The following CACNA1E variants were observed in gnomAD, a reference collection of about 807,000 sequenced individuals.
CACNA1E encodes the protein voltage-dependent R-type calcium channel subunit alpha-1E.
CACNA1E carries 40 observed loss-of-function variants against 259.2 expected under a neutral mutation model. That is an observed-to-expected ratio of 0.15 (90% CI 0.12 to 0.20). CACNA1E has a LOEUF of 0.20. Ranked by LOEUF, CACNA1E falls within the 10% of genes least tolerant of loss-of-function variation. The pLI is 1.00. For synonymous variants in CACNA1E, 1,104 were observed against 1,138.5 expected (o/e 0.97, Z 0.61); for missense variants, 1,874 against 3,040.1 (o/e 0.62, Z 9.02).
At chr1:181,516,275 G>C (rs1477791485) in intron 3 of CACNA1E, among the ~76,000 whole-genome samples, 3 of 151,488 alleles carry the variant, frequency 2.0e-5, no homozygotes, top group Non-Finnish European at 4.4e-5. Flanking sequence ...GGAGAAAGCA[G>C]GGGTATCACA....
At chr1:181,547,744 C>T (rs1205840339) in intron 3 of CACNA1E, among the ~76,000 whole-genome samples, 6 of 152,196 alleles carry the variant, frequency 3.9e-5, no homozygotes, top group Admixed American at 6.5e-5. Context: ...ATTGCATTTG[C>T]GATGCAATTA....
chr1:181,611,497 T>C (rs1247906439), intron 6 of CACNA1E, among the ~76,000 whole-genome samples: 1 of 152,128 alleles, frequency 6.6e-6, no homozygotes, highest in East Asian at 1.9e-4. Flanking sequence ...TGTGAGACAT[T>C]AGCAGGCAGA....
intron 39 of CACNA1E, among the ~76,000 whole-genome samples, chr1:181,782,498 G>T (rs1409676548): frequency 4.6e-5 from 7 of 152,240 alleles, no homozygotes; most frequent in African/African-American, 1.7e-4. Flanking sequence ...GTTTAAAGAA[G>T]TGGGAGAGAG....
chr1:181,654,621 A>G (rs1353998501), intron 7 of CACNA1E, among the ~76,000 whole-genome samples: 1 of 152,252 alleles, frequency 6.6e-6, no homozygotes, highest in Non-Finnish European at 1.5e-5. Context: ...ACCATGGCAC[A>G]GTATGTAGCA....
intron 2 of CACNA1E, among the ~76,000 whole-genome samples, chr1:181,432,388 C>T (rs576757405): frequency 6.6e-6 from 1 of 152,142 alleles, no homozygotes; most frequent in East Asian, 1.9e-4. Flanking sequence ...TTAATGTTTT[C>T]ATTCATGTAT....
intron 1 of CACNA1E, among the ~76,000 whole-genome samples, chr1:181,409,351 A>G (rs763495093): frequency 5.9e-5 from 9 of 152,198 alleles, no homozygotes; most frequent in Non-Finnish European, 1.2e-4. Flanking sequence ...TAAGTAACAT[A>G]TATCACTTCC....
intron 35 of CACNA1E, among the ~76,000 whole-genome samples, chr1:181,769,248 A>G (rs1241785081): frequency 1.3e-5 from 2 of 151,954 alleles, no homozygotes; most frequent in African/African-American, 4.8e-5. Flanking sequence ...ATTTAAATCT[A>G]TACTCTCATG....
At chr1:181,585,519 T>C (rs971455433) in intron 6 of CACNA1E, among the ~76,000 whole-genome samples, 1 of 152,112 alleles carries the variant, frequency 6.6e-6, no homozygotes, top group Non-Finnish European at 1.5e-5. Context: ...AAAATGCATA[T>C]AGAACATAAG....
At chr1:181,501,659 T>G (rs1014003813) in intron 1 of CACNA1E, among the ~76,000 whole-genome samples, 3 of 152,168 alleles carry the variant, frequency 2.0e-5, no homozygotes, top group African/African-American at 7.2e-5. Context: ...TGTCTTTCAT[T>G]CATTAGGTTT....
At chr1:181,350,469 A>G (rs1652951306) in intron 1 of CACNA1E, among the ~76,000 whole-genome samples, 1 of 152,076 alleles carries the variant, frequency 6.6e-6, no homozygotes, top group Non-Finnish European at 1.5e-5. Context: ...CTCTCCTTTT[A>G]TAACCAAGGG....
intron 6 of CACNA1E, among the ~76,000 whole-genome samples, chr1:181,601,786 A>C (rs959258683): frequency 6.6e-6 from 1 of 152,154 alleles, no homozygotes; most frequent in Non-Finnish European, 1.5e-5. Flanking sequence ...CCCGCTCTGC[A>C]CAGAACCCTC....
intron 1 of CACNA1E, among the ~76,000 whole-genome samples, chr1:181,498,298 G>A (rs1260517658): frequency 1.3e-5 from 2 of 152,194 alleles, no homozygotes; most frequent in East Asian, 1.9e-4. Flanking sequence ...TAGGTTTGTG[G>A]AAAAGGGCAG....
intron 1 of CACNA1E, among the ~76,000 whole-genome samples, chr1:181,319,008 A>G (rs761525930): frequency 3.9e-5 from 6 of 152,166 alleles, no homozygotes; most frequent in Non-Finnish European, 8.8e-5. Context: ...AATGGGAGAC[A>G]CTAACCCACC....
intron 1 of CACNA1E, among the ~76,000 whole-genome samples, chr1:181,391,591 A>G (rs1235357913): frequency 5.3e-5 from 8 of 152,196 alleles, no homozygotes; most frequent in Non-Finnish European, 1.0e-4. Context: ...AACTAATGCC[A>G]GCTAGAGCCA....
intron 7 of CACNA1E, among the ~76,000 whole-genome samples, chr1:181,670,461 T>G (rs765051415): frequency 4.6e-5 from 7 of 152,192 alleles, no homozygotes; most frequent in Non-Finnish European, 1.0e-4. Flanking sequence ...TTGAAATTAC[T>G]CTTTCCTGTT....
intron 8 of CACNA1E, among the ~76,000 whole-genome samples, chr1:181,713,408 A>G (rs755219106): frequency 3.1e-4 from 47 of 152,204 alleles, no homozygotes; most frequent in Non-Finnish European, 6.3e-4. Flanking sequence ...GGAGTGCCCC[A>G]CCAATAACAC....
chr1:181,494,593 C>G (rs890322957), intron 1 of CACNA1E, among the ~76,000 whole-genome samples: 12 of 152,216 alleles, frequency 7.9e-5, no homozygotes, highest in African/African-American at 2.4e-4. Context: ...ATTTCAGGCT[C>G]TACTTCAAAC....
chr1:181,580,883 T>C (rs1343242447), intron 6 of CACNA1E, 107 bp downstream of exon 6: 3 of 933,396 alleles, frequency 3.2e-6, no homozygotes, highest in African/African-American at 1.6e-5. Flanking sequence ...GCTATGGATA[T>C]AGGTGTATTG....
chr1:181,359,726 T>A (rs371281804), intron 1 of CACNA1E, among the ~76,000 whole-genome samples: 32 of 152,356 alleles, frequency 2.1e-4, no homozygotes, highest in African/African-American at 7.5e-4. Context: ...AAGATTAAAC[T>A]GTGTAGTGGG....
Sources: allele counts gnomAD v4.1 joint callset (sites outside exome capture counted in the v4.1 genomes callset), GRCh38; gene constraint gnomAD v4.1.1; transcripts MANE v1.5; gene names NCBI Gene and HGNC (gene_info 2026-07-23, HGNC 2026-07-21).